The following MYO16 variants were observed in gnomAD, a reference collection of about 807,000 sequenced individuals.
MYO16 encodes the protein unconventional myosin-XVI.
In MYO16, 94 loss-of-function variants were observed where a neutral mutation model predicts 205.3. That is an observed-to-expected ratio of 0.46 (90% CI 0.39 to 0.54). The LOEUF (loss-of-function observed/expected upper bound fraction) is 0.54. Among genes scored for constraint, MYO16 ranks in the 20% least tolerant of loss-of-function variants. The pLI is 0.00. For synonymous variants in MYO16, 988 were observed against 954.0 expected, an observed-to-expected ratio of 1.04 and a Z score of -0.66; for missense variants, 2,315 against 2,387.5, an observed-to-expected ratio of 0.97 and a Z score of 0.63.
chr13:109,066,172 G>A (rs1349222407), intron 27 of MYO16, among the ~76,000 whole-genome samples: 12 of 152,176 alleles, frequency 7.9e-5, no homozygotes, highest in African/African-American at 2.4e-4. Flanking sequence ...TAAAGCTAAC[G>A]GACAGTGGCT....
the MYO16 span, among the ~76,000 whole-genome samples, chr13:108,542,038 A>G: frequency 6.6e-6 from 1 of 152,194 alleles, no homozygotes; most frequent in East Asian, 1.9e-4. Context: ...ACTATTGACA[A>G]TAGCAAAGAC....
chr13:108,627,014 G>A (rs1020780490), upstream of MYO16, among the ~76,000 whole-genome samples: 1 of 146,586 alleles, frequency 6.8e-6, no homozygotes, highest in African/African-American at 2.5e-5. Context: ...TGAAATTATT[G>A]TTCTGACCAC....
intron 32 of MYO16, chr13:109,163,869 A>G (rs1367396178): frequency 2.0e-5 from 3 of 152,196 alleles, no homozygotes; most frequent in African/African-American, 7.2e-5. Context: ...CCGTTCTGCC[A>G]TATTTAAAGT....
intron 2 of MYO16, among the ~76,000 whole-genome samples, chr13:108,691,606 T>C (rs898998474): frequency 1.3e-5 from 2 of 152,178 alleles, no homozygotes; most frequent in Non-Finnish European, 2.9e-5. Flanking sequence ...TTACGGATCA[T>C]AGCTTACTGC....
chr13:108,934,441 T>A (rs1298523807), intron 16 of MYO16, among the ~76,000 whole-genome samples: 1 of 152,146 alleles, frequency 6.6e-6, no homozygotes, highest in East Asian at 1.9e-4. Context: ...TCACAGGGGT[T>A]ATTTGTTTTT....
At chr13:109,053,147 C>A (rs1181717730) in intron 25 of MYO16, among the ~76,000 whole-genome samples, 1 of 151,984 alleles carries the variant, frequency 6.6e-6, no homozygotes, top group Non-Finnish European at 1.5e-5. Flanking sequence ...TTATGTCTAC[C>A]AAAACTATAA....
intron 6 of MYO16, among the ~76,000 whole-genome samples, chr13:108,798,903 C>T (rs1216084330): frequency 2.1e-5 from 3 of 142,000 alleles, no homozygotes; most frequent in African/African-American, 7.9e-5. Flanking sequence ...GACGGGGTTT[C>T]ACCTTGTTAG....
the MYO16 span, among the ~76,000 whole-genome samples, chr13:108,557,717 T>C: frequency 6.6e-6 from 1 of 152,110 alleles, no homozygotes; most frequent in Admixed American, 6.5e-5. Flanking sequence ...AAACTTTTAA[T>C]TATATAAATA....
chr13:109,176,520 A>G (rs1412011582), intron 33 of MYO16, among the ~76,000 whole-genome samples: 2 of 141,584 alleles, frequency 1.4e-5, no homozygotes, highest in Non-Finnish European at 3.0e-5. Context: ...TTTTAAAATA[A>G]TTTGCCTTAA....
chr13:108,793,782 CACCT>C, intron 6 of MYO16, 142 bp downstream of exon 6: 3 of 967,422 alleles, frequency 3.1e-6, no homozygotes, highest in Non-Finnish European at 4.4e-6. Flanking sequence ...TTTTGGAAAA[CACCT>C]AAGTAAGCAA....
intron 3 of MYO16, among the ~76,000 whole-genome samples, chr13:108,718,278 G>C (rs1374861475): frequency 6.6e-6 from 1 of 152,062 alleles, no homozygotes; most frequent in African/African-American, 2.4e-5. Flanking sequence ...TTGTCCACCA[G>C]TAACCCTGCC....
chr13:108,862,964 CTTGT>C (rs911103594), intron 11 of MYO16, among the ~76,000 whole-genome samples: 1 of 151,844 alleles, frequency 6.6e-6, no homozygotes, highest in African/African-American at 2.4e-5. Context: ...TAAATGTTTG[CTTGT>C]TTGTTTTATG....
intron 24 of MYO16, among the ~76,000 whole-genome samples, chr13:109,049,307 G>A (rs74958759): frequency 0.034 from 5,097 of 152,146 alleles, 129 homozygotes; most frequent in South Asian, 0.056. Context: ...TCCTTTGCTC[G>A]GTTTTAAGAG....
intron 22 of MYO16, among the ~76,000 whole-genome samples, chr13:109,009,623 C>T (rs1477307874): frequency 2.6e-5 from 4 of 152,024 alleles, no homozygotes; most frequent in African/African-American, 7.2e-5. Context: ...ACAGCAATTG[C>T]GATGTACTAA....
chr13:109,048,318 TC>T, intron 24 of MYO16: 1 of 749,440 alleles, frequency 1.3e-6, no homozygotes, highest in South Asian at 1.5e-5. Flanking sequence ...AACAATTCAG[TC>T]TTTTTTTTTA....
chr13:108,869,731 T>TCAA (rs1317454160), intron 12 of MYO16, among the ~76,000 whole-genome samples: 1 of 67,024 alleles, frequency 1.5e-5, no homozygotes, highest in Non-Finnish European at 2.8e-5. Context: ...ACTCCGTTTC[T>TCAA]AAAAAAAAAA....
chr13:109,014,360 T>A (rs1170862620), intron 22 of MYO16, among the ~76,000 whole-genome samples: 2 of 152,232 alleles, frequency 1.3e-5, no homozygotes, highest in Non-Finnish European at 2.9e-5. Context: ...GCTGTTTTGG[T>A]TACTGTAGCC....
intron 14 of MYO16, among the ~76,000 whole-genome samples, chr13:108,895,646 G>A (rs1275498995): frequency 6.6e-6 from 1 of 152,142 alleles, no homozygotes; most frequent in African/African-American, 2.4e-5. Context: ...CAACTCACCT[G>A]GGTTCAACTC....
At chr13:108,849,619 TTGTGTGTGTGTG>T (rs60404877) in intron 10 of MYO16, among the ~76,000 whole-genome samples, 10,874 of 83,652 alleles carry the variant, frequency 0.13, 820 homozygotes, top group South Asian at 0.22. Flanking sequence ...ATTTCCTCTT[TTGTGTGTGTGTG>T]TGTGTGTGTG....
Sources: allele counts gnomAD v4.1 joint callset (sites outside exome capture counted in the v4.1 genomes callset), GRCh38; gene constraint gnomAD v4.1.1; transcripts MANE v1.5; gene names NCBI Gene and HGNC (gene_info 2026-07-23, HGNC 2026-07-21).